The following KDSR variants were observed in gnomAD, a reference collection of about 807,000 sequenced individuals.
KDSR encodes the protein 3-dehydrosphinganine reductase.
KDSR carries 23 observed loss-of-function variants against 41.3 expected under a neutral mutation model. The observed-to-expected ratio is 0.56, with a 90% CI of 0.40 to 0.79. The LOEUF (loss-of-function observed/expected upper bound fraction) is 0.79, where lower values mean the gene tolerates loss of function less well. Ranked by LOEUF, KDSR falls within the 30% of genes least tolerant of loss-of-function variation. The pLI is 0.00. For synonymous variants in KDSR, 138 were observed against 151.7 expected, an observed-to-expected ratio of 0.91 and a Z score of 0.66; for missense variants, 351 against 416.8, an observed-to-expected ratio of 0.84 and a Z score of 1.37.
chr18:63,355,477 C>T, intron 4 of KDSR, 21 bp downstream of exon 4: 1 of 1,613,472 alleles, frequency 6.2e-7, no homozygotes, highest in African/African-American at 1.3e-5. Context: ...TTGGTGAATT[C>T]CAATTAGCCC....
At chr18:63,359,672 T>C (rs1914907251) in intron 3 of KDSR, 64 bp downstream of exon 3, 1 of 1,044,788 alleles carries the variant, frequency 9.6e-7, no homozygotes, top group Non-Finnish European at 1.5e-6. Flanking sequence ...GAAGTAACTC[T>C]GTTTTTCCTT....
intron 6 of KDSR, chr18:63,344,810 TAA>T (rs918554477): frequency 4.1e-5 from 10 of 245,122 alleles, no homozygotes; most frequent in South Asian, 9.5e-5. Flanking sequence ...GGCAGTGTTT[TAA>T]AAAGAGTCCA....
At chr18:63,344,911 G>C (rs1914452252) in intron 6 of KDSR, 1 of 158,258 alleles carries the variant, frequency 6.3e-6, no homozygotes, top group Non-Finnish European at 1.4e-5. Flanking sequence ...CTGTACATCT[G>C]TTTTTCCTTC....
In KDSR at chr18:63,331,554, G is replaced by C. The variant is rs1313177172; in HGVS notation, c.*228C>G. The stretch of plus-strand genomic sequence containing the variant: ...CATACCTTCACCTCTCTACCACAAA[G>C]CCTAGAAAATCAAATGGTCTCCTAT... On this transcript the variant is annotated 3_prime_UTR_variant, in exon 10 of 10. Coordinates refer to ENST00000645214, the MANE Select transcript of KDSR (RefSeq NM_002035.4). 1 of 394,050 alleles carries C rather than the reference G, an allele frequency of 2.5e-6. No homozygotes were observed. The highest frequency in any genetic ancestry group is 4.6e-6 in the Non-Finnish European group (1 of 219,406). 24.4% of individuals were successfully genotyped at this position (394,050 alleles called of 1,614,324 possible).
chr18:63,332,468 T>G (rs1914033116), intron 9 of KDSR, among the ~76,000 whole-genome samples: 1 of 152,024 alleles, frequency 6.6e-6, no homozygotes, highest in Non-Finnish European at 1.5e-5. Flanking sequence ...CCTCCCAAAC[T>G]CAAAGGATTC....
chr18:63,362,846 A>G lies in KDSR; in HGVS notation c.131T>C (p.Ile44Thr). ...HVVVTGGSSG[I>T]GKCIAIECYK... is the part of the protein sequence containing the mutation. The stretch of plus-strand genomic sequence containing the variant: ...GCACTCGATAGCAATGCACTTCCCG[A>G]TGCCACTGGAACCTCCTGTAACCTA... Residue 44 changes from isoleucine (I) to threonine (T), a missense_variant, in exon 2 of 10, where the codon ATC becomes ACC. By Grantham distance (89) the Ile-to-Thr change is moderately conservative. Transcript: ENST00000645214. 6.2e-7 allele frequency: 1 copy of G among 1,613,412 alleles called. No homozygotes were observed. The highest frequency in any genetic ancestry group is 8.5e-7 in the Non-Finnish European group (1 of 1,179,386).
rs537464132 is a variant in KDSR, at chr18:63,367,193, G to C, written c.-75C>G. On this transcript the variant is annotated 5_prime_UTR_variant, in exon 1 of 10. Coordinates refer to ENST00000645214, the MANE Select transcript of KDSR (RefSeq NM_002035.4). ...AAGGCGCGCAGGGCTGGGCTGCGGCGAGGCGAGAATCACGCGCGGCGGGCG... is the reference window on the plus strand; with the variant it reads ...AAGGCGCGCAGGGCTGGGCTGCGGCCAGGCGAGAATCACGCGCGGCGGGCG... The C allele has an allele frequency of 3.7e-5, 27 of 735,284 alleles. No individual in the cohort carries two copies. In the South Asian group the frequency reaches 7.4e-4, roughly 20 times the overall value. 45.5% of individuals were successfully genotyped at this position (735,284 alleles called of 1,614,324 possible).
chr18:63,334,266 G>A (rs1442244911), intron 9 of KDSR, among the ~76,000 whole-genome samples: 1 of 152,018 alleles, frequency 6.6e-6, no homozygotes, highest in East Asian at 1.9e-4. Flanking sequence ...ACAGAATTTA[G>A]TACTTGTTAA....
At chr18:63,333,689 A>G (rs1914078928) in intron 9 of KDSR, among the ~76,000 whole-genome samples, 1 of 152,198 alleles carries the variant, frequency 6.6e-6, no homozygotes, top group Admixed American at 6.5e-5. Flanking sequence ...ATAAAACCTA[A>G]TTTTAAAACT....
At position 63,349,085 on chromosome 18, in the gene KDSR, A is replaced by T. The variant is rs563396156; in HGVS notation, c.609+1803T>A. ...ACATCTCCCTCACATACTTTACAAA[A>T]CTTTATAAAATGGTGGCTGGGTGTG... On this transcript the variant is annotated intron_variant, in intron 6 of 9. Coordinates refer to ENST00000645214, the MANE Select transcript of KDSR (RefSeq NM_002035.4). Among the ~76,000 whole-genome samples, 3 of 152,256 alleles carry T rather than the reference A, an allele frequency of 2.0e-5. No homozygotes were observed. The South Asian group carries it at 6.2e-4, about 32-fold the overall frequency.
intron 2 of KDSR, 121 bp from the exon 3 acceptor site, chr18:63,359,913 A>G: frequency 2.8e-6 from 2 of 719,306 alleles, no homozygotes; most frequent in Non-Finnish European, 2.5e-6. Flanking sequence ...AAAACACACA[A>G]AACAGTATCT....
At chr18:63,365,916 A>C (rs892064969) in intron 1 of KDSR, 1 of 152,250 alleles carries the variant, frequency 6.6e-6, no homozygotes, top group Non-Finnish European at 1.5e-5. Context: ...ACATTTTCTC[A>C]TTCACAAACC....
chr18:63,343,523 G>C (rs1006520789), intron 7 of KDSR, among the ~76,000 whole-genome samples: 5 of 151,550 alleles, frequency 3.3e-5, no homozygotes, highest in African/African-American at 1.2e-4. Context: ...TGAGTAGCTG[G>C]AACTACAAGC....
chr18:63,361,701 G>A (rs1450780185), intron 2 of KDSR, among the ~76,000 whole-genome samples: 2 of 152,036 alleles, frequency 1.3e-5, no homozygotes, highest in Non-Finnish European at 2.9e-5. Flanking sequence ...TGTAGTCCCA[G>A]CTACTCAGGA....
intron 6 of KDSR, chr18:63,346,384 A>C (rs1295477110): frequency 6.6e-6 from 1 of 152,246 alleles, no homozygotes; most frequent in African/African-American, 2.4e-5. Flanking sequence ...CCAGAGAAAA[A>C]CACCACAAAA....
intron 6 of KDSR, chr18:63,344,699 A>C: frequency 4.4e-6 from 2 of 458,358 alleles, no homozygotes; most frequent in Non-Finnish European, 7.8e-6. Context: ...CCTAACCTGG[A>C]CCCCAGAAAA....
chr18:63,342,443 G>A (rs1914370360), intron 7 of KDSR, among the ~76,000 whole-genome samples: 1 of 152,168 alleles, frequency 6.6e-6, no homozygotes, highest in African/African-American at 2.4e-5. Context: ...GACCCCAGGA[G>A]AAATGTCTGA....
intron 6 of KDSR, among the ~76,000 whole-genome samples, chr18:63,350,470 A>C (rs151102650): frequency 1.0e-3 from 156 of 152,386 alleles, no homozygotes; most frequent in African/African-American, 3.5e-3. Flanking sequence ...AAAGCTAAAA[A>C]TTAGCAGCTG....
chr18:63,329,758 T>A lies in KDSR; in HGVS notation c.*2024A>T, dbSNP rs1913918870. On this transcript the variant is annotated 3_prime_UTR_variant, in exon 10 of 10. Coordinates refer to ENST00000645214, the MANE Select transcript of KDSR (RefSeq NM_002035.4). ...AATGTTATTAAATCAGACACTTTCTTGGACTAGATTCTAATATAGATCAGC... is the reference window on the plus strand; with the variant it reads ...AATGTTATTAAATCAGACACTTTCTAGGACTAGATTCTAATATAGATCAGC... 1 of 194,408 alleles carries A rather than the reference T, an allele frequency of 5.1e-6. No individual in the cohort carries two copies. 12.0% of individuals were successfully genotyped at this position (194,408 alleles called of 1,614,324 possible).
Sources: gnomAD v4.1 joint callset for allele counts (sites outside exome capture counted in the v4.1 genomes callset) on GRCh38, gnomAD v4.1.1 for gene constraint, MANE v1.5 for transcripts, NCBI Gene and HGNC (gene_info 2026-07-23, HGNC 2026-07-21) for gene names.